The following CAMTA1 variants were observed in gnomAD, a reference collection of about 807,000 sequenced individuals.
The protein encoded by CAMTA1 is calmodulin-binding transcription activator 1.
In CAMTA1, 27 loss-of-function variants were observed where a neutral mutation model predicts 170.9. The ratio of observed to expected loss-of-function variants is 0.16; its 90% CI spans 0.12 to 0.22. The LOEUF (loss-of-function observed/expected upper bound fraction) is 0.22. Among genes scored for constraint, CAMTA1 ranks in the 10% least tolerant of loss-of-function variants. The pLI, the probability that CAMTA1 is intolerant of heterozygous loss-of-function variation, is 1.00. For missense variants in CAMTA1, 1,619 were observed against 2,217.2 expected, an observed-to-expected ratio of 0.73 and a Z score of 5.42; for synonymous variants, 833 against 891.5, an observed-to-expected ratio of 0.93 and a Z score of 1.17.
At chr1:7,052,082 G>A (rs979907797) in intron 3 of CAMTA1, among the ~76,000 whole-genome samples, 4 of 144,020 alleles carry the variant, frequency 2.8e-5, no homozygotes, top group African/African-American at 9.9e-5. Context: ...ATGGGGCGGG[G>A]GGGTGGGTAT....
At position 7,182,309 on chromosome 1, in the gene CAMTA1, G is replaced by A. The variant is rs139612273; in HGVS notation, c.303-67182G>A. Among the ~76,000 whole-genome samples the A allele has an allele frequency of 3.8e-3, 573 of 152,260 alleles. 4 individuals carry two copies. The highest frequency in any genetic ancestry group is 0.013 in the African/African-American group (536 of 41,548). ...TAATCCTTGCACTTTGGGGGGCCAA[G>A]GCAGGTGGATTGCTTGAGCCCAGGA... On this transcript the variant is annotated intron_variant, in intron 4 of 22. Transcript: ENST00000303635.
chr1:6,889,710 C>T (rs1674100667), intron 3 of CAMTA1, among the ~76,000 whole-genome samples: 1 of 152,098 alleles, frequency 6.6e-6, no homozygotes, highest in Admixed American at 6.6e-5. Flanking sequence ...TTTTTCTTGG[C>T]GCTCTTATAT....
chr1:7,667,510 AG>A (rs2096011988), intron 9 of CAMTA1, among the ~76,000 whole-genome samples: 1 of 152,066 alleles, frequency 6.6e-6, no homozygotes, highest in Non-Finnish European at 1.5e-5. Context: ...GGACACTTAG[AG>A]GCGCCCTGGA....
chr1:7,378,092 C>T (rs924013094), intron 5 of CAMTA1, among the ~76,000 whole-genome samples: 4 of 152,120 alleles, frequency 2.6e-5, no homozygotes, highest in African/African-American at 9.7e-5. Flanking sequence ...AGAACAAGTT[C>T]GCAAACCCCT....
chr1:6,795,079 C>T (rs1642159717), intron 1 of CAMTA1, among the ~76,000 whole-genome samples: 1 of 151,964 alleles, frequency 6.6e-6, no homozygotes, highest in South Asian at 2.1e-4. Flanking sequence ...GAAAGTTATG[C>T]CGTGTGGTGG....
At chr1:7,410,686 T>G (rs187842481) in intron 5 of CAMTA1, among the ~76,000 whole-genome samples, 39 of 152,286 alleles carry the variant, frequency 2.6e-4, no homozygotes, top group African/African-American at 8.7e-4. Context: ...AGTCCTTGAG[T>G]GTGGACCACT....
chr1:7,553,616 G>A (rs2094836962), intron 6 of CAMTA1, among the ~76,000 whole-genome samples: 1 of 152,232 alleles, frequency 6.6e-6, no homozygotes, highest in African/African-American at 2.4e-5. Flanking sequence ...CAGATTTCCT[G>A]GAGGCCCAGA....
chr1:7,026,744 C>T (rs1275966706), intron 3 of CAMTA1, among the ~76,000 whole-genome samples: 1 of 150,892 alleles, frequency 6.6e-6, no homozygotes, highest in Non-Finnish European at 1.5e-5. Flanking sequence ...GATTCTTGTG[C>T]CTCAGCCTCC....
Position 7,500,320 on chromosome 1 carries a change from G to A in CAMTA1, c.510+32419G>A, listed in dbSNP as rs2093981243. Among the ~76,000 whole-genome samples, 3 of 106,776 alleles carry A rather than the reference G, an allele frequency of 2.8e-5. No individual in the cohort carries two copies. The South Asian group carries it at 9.9e-4, about 35-fold the overall frequency. The allele number at this position is 106,776 out of a possible 152,430, so 70.0% of individuals were successfully genotyped here. A position where few individuals can be genotyped will look rare whatever the true frequency, so the allele number is the denominator to read the frequency against. ...TGTGTGTGCATGTGTGTCCGTGAGC[G>A]AGTGTGTAGAGAGGATGGTGTGAGC... On this transcript the variant is annotated intron_variant, in intron 6 of 22. Transcript: ENST00000303635.
Position 7,063,350 on chromosome 1 carries a change from G to A in CAMTA1, c.235-27954G>A, listed in dbSNP as rs72857542. Among the ~76,000 whole-genome samples, 244 of 152,322 alleles carry A rather than the reference G, an allele frequency of 1.6e-3. 1 individual carries two copies. The highest frequency in any genetic ancestry group is 5.7e-3 in the African/African-American group (237 of 41,566). On this transcript the variant is annotated intron_variant, in intron 3 of 22. Coordinates refer to ENST00000303635, the MANE Select transcript of CAMTA1 (RefSeq NM_015215.4). This position sits in a 1 kb window ranked among gnomAD's most constrained non-coding sequence, Gnocchi z 4.3. ...GAGGCGCAGCTTCCCAGAGGGAGGT[G>A]TCATCTGCAGCGCTTTGCTTACCCG...
At position 7,292,523 on chromosome 1, in the gene CAMTA1, C is replaced by G. The variant is rs374610793; in HGVS notation, c.438+42897C>G. 4.9e-4 allele frequency among the ~76,000 whole-genome samples: 74 copies of G among 152,254 alleles called. 2 individuals are homozygous for G. The South Asian group carries it at 0.015, about 30-fold the overall frequency. On this transcript the variant is annotated intron_variant, in intron 5 of 22. Transcript: ENST00000303635. ...TCATCCTGAAGACTTAATTATTTCT[C>G]GAAAGATGATCCATACGGGTACTGC...
chr1:7,172,504 A>G (rs1346513346), intron 4 of CAMTA1, among the ~76,000 whole-genome samples: 1 of 148,916 alleles, frequency 6.7e-6, no homozygotes, highest in Non-Finnish European at 1.5e-5. Context: ...TATGCGGAGC[A>G]TGAACAACAG....
chr1:7,265,651 G>C (rs928425437), intron 5 of CAMTA1, among the ~76,000 whole-genome samples: 2 of 152,174 alleles, frequency 1.3e-5, no homozygotes, highest in Admixed American at 1.3e-4. Context: ...TAATATTTTT[G>C]TGGATTACAT....
At chr1:7,632,122 G>T (rs1415025814) in intron 6 of CAMTA1, among the ~76,000 whole-genome samples, 4 of 152,186 alleles carry the variant, frequency 2.6e-5, no homozygotes, top group East Asian at 3.8e-4. Flanking sequence ...TACCCTCGTT[G>T]TTCATTAAGC....
At chr1:7,229,631 A>G (rs1574049094) in intron 4 of CAMTA1, among the ~76,000 whole-genome samples, 1 of 129,208 alleles carries the variant, frequency 7.7e-6, no homozygotes, top group Non-Finnish European at 1.7e-5. Context: ...AGGGGGAAGG[A>G]GAGGAGGAAG....
chr1:6,979,203 C>T (rs865966988), intron 3 of CAMTA1, among the ~76,000 whole-genome samples: 1 of 152,088 alleles, frequency 6.6e-6, no homozygotes, highest in East Asian at 1.9e-4. Context: ...GCAGGGCAGC[C>T]CCATCCCTGC....
At chr1:7,424,085 G>A (rs1326776119) in intron 5 of CAMTA1, among the ~76,000 whole-genome samples, 6 of 152,194 alleles carry the variant, frequency 3.9e-5, no homozygotes, top group African/African-American at 9.6e-5. Flanking sequence ...ATAAGCCCAC[G>A]TCAGCCTTCC....
At chr1:7,724,781 C>G (rs963233393) in intron 11 of CAMTA1, among the ~76,000 whole-genome samples, 2 of 144,832 alleles carry the variant, frequency 1.4e-5, no homozygotes, top group Non-Finnish European at 3.0e-5. Flanking sequence ...CGAGATCGCA[C>G]TACTGCACTC....
intron 7 of CAMTA1, among the ~76,000 whole-genome samples, chr1:7,645,658 G>A (rs777310783): frequency 9.9e-5 from 15 of 152,232 alleles, no homozygotes; most frequent in East Asian, 3.9e-4. Flanking sequence ...CAGCCGCCTC[G>A]GGGTTTAGCT....
Sources: allele counts gnomAD v4.1 joint callset (sites outside exome capture counted in the v4.1 genomes callset), GRCh38; gene constraint gnomAD v4.1.1; non-coding constraint Gnocchi (gnomAD v3.1); transcripts MANE v1.5; gene names NCBI Gene and HGNC (gene_info 2026-07-23, HGNC 2026-07-21).